FAM117A: variants seen among roughly 807,000 people sequenced by gnomAD.
The protein encoded by FAM117A is family with sequence similarity 117 member A.
Under a neutral mutation model 44.1 loss-of-function variants are expected in FAM117A, and 21 were observed. The ratio of observed to expected loss-of-function variants is 0.48; its 90% CI spans 0.34 to 0.69. The LOEUF is 0.69. Among genes scored for constraint, FAM117A ranks in the 30% least tolerant of loss-of-function variants. The probability of loss-of-function intolerance (pLI) is 0.01; values close to 1 mark genes in which losing one functional copy is unlikely to be tolerated. For synonymous variants in FAM117A, 220 were observed against 238.3 expected (o/e 0.92, Z 0.71); for missense variants, 498 against 589.9 (o/e 0.84, Z 1.61).
At chr17:49,732,504 C>T (rs747562786) in intron 2 of FAM117A, 47 bp downstream of exon 2, 3 of 1,596,524 alleles carry the variant, frequency 1.9e-6, no homozygotes, top group Non-Finnish European at 2.6e-6. Flanking sequence ...AGCCAGCTCT[C>T]CCGCCCCATC....
chr17:49,719,757 C>T lies in FAM117A; in HGVS notation c.708+3G>A. 6.4e-7 allele frequency: 1 copy of T among 1,567,940 alleles called. No individual in the cohort carries two copies. The highest frequency in any genetic ancestry group is 8.6e-7 in the Non-Finnish European group (1 of 1,160,672). On this transcript the variant is annotated splice_donor_region_variant and intron_variant, in intron 5 of 7. Transcript: ENST00000240364. ...GTGCACTCAGGGTGCAGCCGCCACT[C>T]ACCCTCAGCAGCTCCTCTTCTCCCT...
chr17:49,714,140 T>C (rs920915653), intron 7 of FAM117A, among the ~76,000 whole-genome samples: 1 of 152,236 alleles, frequency 6.6e-6, no homozygotes, highest in African/African-American at 2.4e-5. Flanking sequence ...TGACCCTGAA[T>C]ACCTTGACTC....
upstream of FAM117A, among the ~76,000 whole-genome samples, chr17:49,764,428 C>A (rs1264366057): frequency 6.6e-6 from 1 of 152,072 alleles, no homozygotes; most frequent in Non-Finnish European, 1.5e-5. Flanking sequence ...AGGGGAGCGT[C>A]ACACCCAGTC....
At chr17:49,738,831 A>T (rs980675692) in intron 1 of FAM117A, among the ~76,000 whole-genome samples, 12 of 152,084 alleles carry the variant, frequency 7.9e-5, no homozygotes, top group Admixed American at 3.9e-4. Flanking sequence ...TTAATAGTTT[A>T]AAAAAAACTA....
intron 1 of FAM117A, among the ~76,000 whole-genome samples, chr17:49,781,592 C>A (rs938476875): frequency 6.6e-6 from 1 of 152,346 alleles, no homozygotes; most frequent in Non-Finnish European, 1.5e-5. Flanking sequence ...CACATTACAT[C>A]ATAGCACCAC....
chr17:49,716,913 C>T (rs1467402213), intron 6 of FAM117A, among the ~76,000 whole-genome samples: 1 of 152,118 alleles, frequency 6.6e-6, no homozygotes, highest in East Asian at 1.9e-4. Flanking sequence ...TAGATCATGC[C>T]CTTGACCAGC....
upstream of FAM117A, among the ~76,000 whole-genome samples, chr17:49,764,565 T>C (rs1240067132): frequency 6.6e-6 from 1 of 152,164 alleles, no homozygotes; most frequent in Non-Finnish European, 1.5e-5. Context: ...GGGAGCAGTG[T>C]CAAACTTTAC....
chr17:49,732,734 C>T lies in FAM117A; in HGVS notation c.197-14G>A. 6.2e-7 allele frequency: 1 copy of T among 1,610,372 alleles called. No homozygotes were observed. Among genetic ancestry groups the T allele is most frequent in the Non-Finnish European group, 8.5e-7 (1 of 1,178,254 alleles). On this transcript the variant is annotated splice_polypyrimidine_tract_variant and intron_variant, in intron 1 of 7. Transcript: ENST00000240364. ...ATGGGACGCTGGCTGCAAGAGAACA[C>T]AGCCCGCACGCCTTGCCATCAGCAT...
chr17:49,771,526 T>G (rs890268700), intron 1 of FAM117A, among the ~76,000 whole-genome samples: 1 of 152,092 alleles, frequency 6.6e-6, no homozygotes, highest in African/African-American at 2.4e-5. Flanking sequence ...ATATATAAGC[T>G]TCCTAAGGAG....
At chr17:49,788,771 A>G (rs1441063535), upstream of FAM117A, 16 of 1,542,748 alleles carry the variant, frequency 1.0e-5, no homozygotes, top group Non-Finnish European at 1.4e-5. Context: ...AGCCCGCCGG[A>G]GCCACCGTTC....
chr17:49,777,102 C>G (rs1011415014), intron 1 of FAM117A, among the ~76,000 whole-genome samples: 1 of 152,048 alleles, frequency 6.6e-6, no homozygotes, highest in African/African-American at 2.4e-5. Flanking sequence ...AGTGGCTGGC[C>G]GCTGTGTTTG....
At chr17:49,753,501 AAACAAATGG>A (rs1259296778) in intron 1 of FAM117A, among the ~76,000 whole-genome samples, 1 of 152,212 alleles carries the variant, frequency 6.6e-6, no homozygotes, top group Non-Finnish European at 1.5e-5. Flanking sequence ...CCACAGAGCT[AAACAAATGG>A]AACATATTGT....
intron 3 of FAM117A, 48 bp from the exon 4 acceptor site, chr17:49,720,484 AGT>A (rs1567826593): frequency 2.7e-6 from 4 of 1,464,586 alleles, no homozygotes; most frequent in Non-Finnish European, 3.8e-6. Flanking sequence ...GGAAAGCCAA[AGT>A]GCACTGGGTC....
chr17:49,743,147 C>T (rs2073641345), intron 1 of FAM117A, among the ~76,000 whole-genome samples: 1 of 152,208 alleles, frequency 6.6e-6, no homozygotes, highest in South Asian at 2.1e-4. Flanking sequence ...ATGTCATGAC[C>T]TCCTGGCACC....
chr17:49,733,639 C>T (rs1452544721), intron 1 of FAM117A, among the ~76,000 whole-genome samples: 2 of 151,972 alleles, frequency 1.3e-5, no homozygotes, highest in African/African-American at 2.4e-5. Flanking sequence ...CACCACTGCA[C>T]TCCAGCCTGG....
intron 5 of FAM117A, 75 bp from the exon 6 acceptor site, chr17:49,717,789 A>T: frequency 8.1e-7 from 1 of 1,232,990 alleles, no homozygotes; most frequent in Non-Finnish European, 1.1e-6. Flanking sequence ...CCCCAAGGGT[A>T]TTTCCCTTGC....
intron 1 of FAM117A, among the ~76,000 whole-genome samples, chr17:49,735,543 A>C (rs963855835): frequency 2.0e-5 from 3 of 152,224 alleles, no homozygotes; most frequent in Non-Finnish European, 4.4e-5. Context: ...ATGTATTAAC[A>C]ATCTACATAT....
At chr17:49,784,844 G>A (rs1472727545) in intron 1 of FAM117A, among the ~76,000 whole-genome samples, 1 of 152,112 alleles carries the variant, frequency 6.6e-6, no homozygotes, top group Non-Finnish European at 1.5e-5. Context: ...GCTCCTTTAG[G>A]GGAAAGTTGG....
At chr17:49,735,821 G>A (rs142199545) in intron 1 of FAM117A, among the ~76,000 whole-genome samples, 125 of 152,238 alleles carry the variant, frequency 8.2e-4, no homozygotes, top group African/African-American at 2.7e-3. Context: ...CATCAAAAAT[G>A]TTACTATATG....
Sources: gnomAD v4.1 joint callset for allele counts (sites outside exome capture counted in the v4.1 genomes callset) on GRCh38, gnomAD v4.1.1 for gene constraint, MANE v1.5 for transcripts, NCBI Gene and HGNC (gene_info 2026-07-23, HGNC 2026-07-21) for gene names.